The following ORC4 variants were observed in gnomAD, a reference collection of about 807,000 sequenced individuals.
ORC4 encodes origin recognition complex, subunit 4 homolog.
ORC4 carries 55 observed loss-of-function variants against 63.9 expected under a neutral mutation model. The observed-to-expected ratio is 0.86, with a 90% CI of 0.69 to 1.08. ORC4 has a LOEUF of 1.08. Among genes scored for constraint, ORC4 ranks in the 50% least tolerant of loss-of-function variants. ORC4 has a pLI of 0.00. For missense variants in ORC4, 511 were observed against 504.4 expected, an observed-to-expected ratio of 1.01 and a Z score of -0.13; for synonymous variants, 150 against 168.5, an observed-to-expected ratio of 0.89 and a Z score of 0.85.
At chr2:147,999,157 T>G (rs566062384) in intron 1 of ORC4, among the ~76,000 whole-genome samples, 1 of 152,210 alleles carries the variant, frequency 6.6e-6, no homozygotes, top group East Asian at 1.9e-4. Flanking sequence ...TCTAAAAGAC[T>G]TGCAGTGCTA....
chr2:148,000,334 C>G (rs190466987), intron 1 of ORC4, among the ~76,000 whole-genome samples: 1 of 152,004 alleles, frequency 6.6e-6, no homozygotes, highest in Middle Eastern at 3.2e-3. Flanking sequence ...AAAATGAGAT[C>G]GTATAATCTT....
intron 1 of ORC4, chr2:147,981,915 T>C (rs1690913981): frequency 6.6e-6 from 1 of 152,218 alleles, no homozygotes; most frequent in Admixed American, 6.5e-5. Context: ...ATAGTGACAA[T>C]TAGAAAGCAA....
At chr2:147,941,608 A>C (rs1054090392) in intron 10 of ORC4, among the ~76,000 whole-genome samples, 1 of 152,194 alleles carries the variant, frequency 6.6e-6, no homozygotes, top group Admixed American at 6.6e-5. Context: ...ATGAGCTAAG[A>C]ATATGAGTAA....
intron 1 of ORC4, among the ~76,000 whole-genome samples, chr2:147,988,427 T>C (rs1227517352): frequency 2.0e-5 from 3 of 151,850 alleles, no homozygotes; most frequent in African/African-American, 7.3e-5. Flanking sequence ...GGTTGCAATC[T>C]TGGCTCACTG....
chr2:147,996,950 C>T (rs1448130326), intron 1 of ORC4, among the ~76,000 whole-genome samples: 1 of 152,190 alleles, frequency 6.6e-6, no homozygotes, highest in Non-Finnish European at 1.5e-5. Flanking sequence ...AGACCTGTAC[C>T]TTCCTGTTTA....
intron 8 of ORC4, among the ~76,000 whole-genome samples, chr2:147,951,835 C>T (rs1002822584): frequency 4.6e-5 from 7 of 152,242 alleles, no homozygotes; most frequent in Middle Eastern, 3.4e-3. Context: ...TCAATATGTA[C>T]AGAGCCTTCA....
chr2:147,969,113 A>G (rs1305915659), intron 4 of ORC4, among the ~76,000 whole-genome samples: 2 of 152,010 alleles, frequency 1.3e-5, no homozygotes, highest in Admixed American at 1.3e-4. Context: ...AGTAGAAGAG[A>G]GGATAGGGTA....
At chr2:147,985,187 T>A (rs180915132) in intron 1 of ORC4, among the ~76,000 whole-genome samples, 151 of 152,142 alleles carry the variant, frequency 9.9e-4, no homozygotes, top group Non-Finnish European at 1.5e-3. Context: ...CAGTAAACTC[T>A]CTGTTTTTTT....
chr2:148,018,193 A>G (rs916557520), intron 1 of ORC4, among the ~76,000 whole-genome samples: 2 of 152,266 alleles, frequency 1.3e-5, no homozygotes, highest in African/African-American at 2.4e-5. Flanking sequence ...GGAAATTCAA[A>G]TAGCCGGTAA....
intron 1 of ORC4, among the ~76,000 whole-genome samples, chr2:147,999,845 A>G (rs1330470247): frequency 1.3e-5 from 2 of 152,168 alleles, no homozygotes; most frequent in African/African-American, 2.4e-5. Flanking sequence ...AGATGAAAAC[A>G]TATTAACAGA....
chr2:147,940,775 G>GT (rs1688324823), intron 10 of ORC4, among the ~76,000 whole-genome samples: 1 of 152,042 alleles, frequency 6.6e-6, no homozygotes, highest in Non-Finnish European at 1.5e-5. Context: ...ACCAAACATC[G>GT]TATGTTCTCA....
At chr2:147,963,427 C>T (rs1368455496) in intron 4 of ORC4, among the ~76,000 whole-genome samples, 2 of 152,172 alleles carry the variant, frequency 1.3e-5, no homozygotes, top group Non-Finnish European at 1.5e-5. Context: ...AGTGGGCATG[C>T]CCATAAGCCA....
In ORC4 at chr2:147,932,060, C is replaced by T. The variant is rs373810609; in HGVS notation, c.*3450G>A. Reference sequence around the variant, plus strand: ...TGATTGTATATCTAGAAAACCCCATCGTCTCAGCCCAAAATCTCCTTAAGC... The same window carrying T: ...TGATTGTATATCTAGAAAACCCCATTGTCTCAGCCCAAAATCTCCTTAAGC... On this transcript the variant is annotated 3_prime_UTR_variant, in exon 14 of 14. Transcript: ENST00000392857. The T allele has an allele frequency of 3.0e-4, 45 of 151,942 alleles. No individual in the cohort carries two copies. The highest frequency in any genetic ancestry group is 3.4e-4 in the African/African-American group (14 of 41,448). 9.4% of individuals were successfully genotyped at this position (151,942 alleles called of 1,614,324 possible). A position where few individuals can be genotyped will look rare whatever the true frequency, so the allele number is the denominator to read the frequency against.
At position 147,938,202 on chromosome 2, in the gene ORC4, A is replaced by G; in HGVS notation, c.1066T>C (p.Phe356Leu). The G allele has an allele frequency of 6.2e-7, 1 of 1,612,574 alleles. No individual in the cohort carries two copies. The highest frequency in any genetic ancestry group is 8.5e-7 in the Non-Finnish European group (1 of 1,178,866). ...ACGGAATGTGCTTTCCTTTGAACAA[A>G]CTTCTGAAACTCTGAGTAGAAAGCA... is the stretch of plus-strand genomic sequence containing the variant. Reference protein sequence around the residue: ...FQMVYNEFQKFVQRKAHSVYN... With the variant: ...FQMVYNEFQKLVQRKAHSVYN... The change falls in exon 13 of 14, where the codon TTT (phenylalanine) becomes CTT (leucine). Residue 356 changes from phenylalanine to leucine, a missense_variant. Transcript: ENST00000392857.
intron 2 of ORC4, among the ~76,000 whole-genome samples, chr2:147,975,598 G>C (rs1690501831): frequency 1.3e-5 from 2 of 150,332 alleles, no homozygotes; most frequent in African/African-American, 2.4e-5. Flanking sequence ...TTAAATTACA[G>C]TATAAAACAC....
Position 147,958,795 on chromosome 2 carries a change from T to A in ORC4, c.297A>T (p.Leu99Phe), listed in dbSNP as rs757137517. The A allele has an allele frequency of 7.0e-7, 1 of 1,438,218 alleles. No homozygotes were observed. Among genetic ancestry groups the A allele is most frequent in the Non-Finnish European group, 9.8e-7 (1 of 1,021,110 alleles). 89.1% of individuals were successfully genotyped at this position (1,438,218 alleles called of 1,614,324 possible). ...GCAAAATAATGGCATACTTACCATT[T>A]AAGTGAACTTGTAATACATTTTCAC... The part of the protein sequence containing the change: ...EVSENVLQVH[L>F]NGLLQINDKI... The change falls in exon 5 of 14, where the codon TTA becomes TTT. Residue 99 changes from leucine (L) to phenylalanine (F), a missense_variant. Transcript: ENST00000392857.
At chr2:147,968,652 T>C (rs187645469) in intron 4 of ORC4, among the ~76,000 whole-genome samples, 2 of 151,992 alleles carry the variant, frequency 1.3e-5, no homozygotes, top group Admixed American at 1.3e-4. Flanking sequence ...CTGGTGAAGA[T>C]GCAAAAAAAA....
At chr2:147,944,923 A>G (rs565767786) in intron 9 of ORC4, among the ~76,000 whole-genome samples, 4 of 152,146 alleles carry the variant, frequency 2.6e-5, no homozygotes, top group East Asian at 3.9e-4. Flanking sequence ...TCTGGTTACT[A>G]TATCTTTTTC....
At chr2:147,975,047 T>C (rs1427652474) in intron 2 of ORC4, among the ~76,000 whole-genome samples, 1 of 152,174 alleles carries the variant, frequency 6.6e-6, no homozygotes, top group Non-Finnish European at 1.5e-5. Flanking sequence ...TTAAAAATTT[T>C]TTTAGAAAGA....
Sources: gnomAD v4.1 joint callset for allele counts (sites outside exome capture counted in the v4.1 genomes callset) on GRCh38, gnomAD v4.1.1 for gene constraint, MANE v1.5 for transcripts, NCBI Gene and HGNC (gene_info 2026-07-23, HGNC 2026-07-21) for gene names.